ABLIM1: variants seen among roughly 807,000 people sequenced by gnomAD.
The protein encoded by ABLIM1 is actin binding LIM protein 1.
Under a neutral mutation model 107.0 loss-of-function variants are expected in ABLIM1, and 40 were observed. The ratio of observed to expected loss-of-function variants is 0.37; its 90% confidence interval spans 0.29 to 0.49. ABLIM1 has a LOEUF of 0.49. Ranked by LOEUF, ABLIM1 falls within the 20% of genes least tolerant of loss-of-function variation. ABLIM1 has a pLI of 0.97. For missense variants in ABLIM1, 857 were observed against 1,008.5 expected (o/e 0.85, Z 2.04); for synonymous variants, 357 against 357.3 (o/e 1.00, Z 0.01).
chr10:114,606,245 T>C (rs1236614843), intron 1 of ABLIM1, among the ~76,000 whole-genome samples: 1 of 152,136 alleles, frequency 6.6e-6, no homozygotes, highest in Non-Finnish European at 1.5e-5. Flanking sequence ...TATTTTATTT[T>C]TTATTTTTTG....
chr10:114,770,678 G>T (rs1021962752), upstream of ABLIM1, among the ~76,000 whole-genome samples: 19 of 152,240 alleles, frequency 1.2e-4, no homozygotes, highest in African/African-American at 4.3e-4. Flanking sequence ...TGGTTTTGTT[G>T]TAAGTCTTTT....
intron 6 of ABLIM1, among the ~76,000 whole-genome samples, chr10:114,534,489 T>C (rs1302792782): frequency 8.6e-6 from 1 of 116,416 alleles, no homozygotes; most frequent in African/African-American, 3.3e-5. Context: ...GCACTCATGA[T>C]CCCTGAGGCG....
intron 1 of ABLIM1, among the ~76,000 whole-genome samples, chr10:114,702,251 T>C (rs2081320637): frequency 6.6e-6 from 1 of 152,166 alleles, no homozygotes; most frequent in African/African-American, 2.4e-5. Context: ...CCTATATTGC[T>C]AATAACGAAA....
At chr10:114,683,574 G>A (rs60092663) in intron 1 of ABLIM1, among the ~76,000 whole-genome samples, 3,749 of 152,184 alleles carry the variant, frequency 0.025, 144 homozygotes, top group African/African-American at 0.085. Flanking sequence ...GAAGAGTGGC[G>A]AGATTGGAAG....
chr10:114,684,569 G>A lies in ABLIM1; in HGVS notation c.-216C>T, dbSNP rs567071652. 1.4e-5 allele frequency: 19 copies of A among 1,348,526 alleles called. No homozygotes were observed. In the African/African-American group the frequency reaches 2.8e-4, roughly 20 times the overall value. The allele number at this position is 1,348,526 out of a possible 1,614,324, so 83.5% of individuals were successfully genotyped here. On this transcript the variant is annotated 5_prime_UTR_variant, in exon 1 of 24. Transcript: ENST00000369256. ...TGAGTGACTCTGGCTCCTTCCTCAT[G>A]TACAGATTCTGCATCCCCTTCTTCT... is the stretch of plus-strand genomic sequence containing the variant.
At chr10:114,512,148 C>A (rs534668949) in intron 6 of ABLIM1, among the ~76,000 whole-genome samples, 1 of 152,284 alleles carries the variant, frequency 6.6e-6, no homozygotes, top group African/African-American at 2.4e-5. Context: ...GCTGCTTATT[C>A]CAAAAGTAAT....
At chr10:114,713,468 G>C (rs1335100459) in intron 1 of ABLIM1, among the ~76,000 whole-genome samples, 1 of 152,174 alleles carries the variant, frequency 6.6e-6, no homozygotes, top group Admixed American at 6.5e-5. Flanking sequence ...CCAAGTGCAA[G>C]ATGAAGAGAA....
At chr10:114,515,995 C>T (rs1276535108) in intron 6 of ABLIM1, among the ~76,000 whole-genome samples, 1 of 152,146 alleles carries the variant, frequency 6.6e-6, no homozygotes, top group African/African-American at 2.4e-5. Flanking sequence ...AGTAGTGGTG[C>T]TTTGTTATGC....
At chr10:114,553,760 C>T (rs2068376086) in intron 4 of ABLIM1, among the ~76,000 whole-genome samples, 1 of 152,152 alleles carries the variant, frequency 6.6e-6, no homozygotes, top group Admixed American at 6.5e-5. Flanking sequence ...GAGTCTGGAG[C>T]CTACTGAATT....
Position 114,535,600 on chromosome 10 carries a change from G to A in ABLIM1, c.894+9405C>T, listed in dbSNP as rs189426978. ...GCTGAGATTACAGGCATGAGCCACC[G>A]TGCCTGGCCAAGCCTAGCATAGAAT... On this transcript the variant is annotated intron_variant, in intron 6 of 22. Coordinates refer to ENST00000533213, the MANE Select transcript of ABLIM1 (RefSeq NM_002313.7). Among the ~76,000 whole-genome samples, 295 of 152,264 alleles carry A rather than the reference G, an allele frequency of 1.9e-3. 2 individuals carry two copies. The highest frequency in any genetic ancestry group is 4.0e-4 in the Non-Finnish European group (27 of 68,032).
chr10:114,652,854 G>A (rs536560232), intron 1 of ABLIM1, among the ~76,000 whole-genome samples: 10 of 152,304 alleles, frequency 6.6e-5, no homozygotes, highest in Middle Eastern at 3.4e-3. Flanking sequence ...GAGAGTAAGG[G>A]AACATTCCAT....
At chr10:114,767,772 G>A (rs1274057561) in intron 1 of ABLIM1, among the ~76,000 whole-genome samples, 2 of 152,144 alleles carry the variant, frequency 1.3e-5, no homozygotes, top group Non-Finnish European at 2.9e-5. Context: ...CTCCCGGCAG[G>A]GCAGCCAGCG....
At chr10:114,601,049 T>C (rs940647216) in intron 2 of ABLIM1, among the ~76,000 whole-genome samples, 4 of 128,534 alleles carry the variant, frequency 3.1e-5, no homozygotes, top group South Asian at 2.8e-4. Context: ...CACATCTCAA[T>C]ACACACACAC....
intron 6 of ABLIM1, among the ~76,000 whole-genome samples, chr10:114,537,281 A>G (rs2066145919): frequency 1.3e-5 from 2 of 152,116 alleles, no homozygotes; most frequent in South Asian, 2.1e-4. Context: ...AATATTTTAC[A>G]TATTTATGGG....
At chr10:114,669,033 A>G (rs573871349) in intron 1 of ABLIM1, among the ~76,000 whole-genome samples, 1 of 152,362 alleles carries the variant, frequency 6.6e-6, no homozygotes, top group East Asian at 1.9e-4. Flanking sequence ...TGCTTTCCCA[A>G]ACATTTATGA....
chr10:114,769,099 T>C (rs2082972268), upstream of ABLIM1, among the ~76,000 whole-genome samples: 1 of 135,588 alleles, frequency 7.4e-6, no homozygotes, highest in South Asian at 2.3e-4. Flanking sequence ...TTTGGGAGGC[T>C]GAGGTGGACG....
intron 1 of ABLIM1, among the ~76,000 whole-genome samples, chr10:114,651,277 T>C (rs909654856): frequency 1.3e-5 from 2 of 152,210 alleles, no homozygotes; most frequent in Non-Finnish European, 2.9e-5. Flanking sequence ...AGCTCTCTCC[T>C]TGCCCTCAGA....
intron 1 of ABLIM1, among the ~76,000 whole-genome samples, chr10:114,714,529 G>GT (rs1199696950): frequency 5.9e-5 from 9 of 152,180 alleles, no homozygotes; most frequent in African/African-American, 2.2e-4. Context: ...TGTGACTGAG[G>GT]TTACCAACAG....
intron 7 of ABLIM1, 46 bp from the exon 8 acceptor site, chr10:114,488,062 T>A: frequency 1.9e-6 from 3 of 1,598,748 alleles, no homozygotes; most frequent in Non-Finnish European, 2.6e-6. Flanking sequence ...AATGGAAAGA[T>A]ACAAAGTCCT....
Sources: allele counts gnomAD v4.1 joint callset (sites outside exome capture counted in the v4.1 genomes callset), GRCh38; gene constraint gnomAD v4.1.1; transcripts MANE v1.5; gene names NCBI Gene and HGNC (gene_info 2026-07-23, HGNC 2026-07-21).